The following PEX7 variants were observed in gnomAD, a reference collection of about 807,000 sequenced individuals.
PEX7 encodes the protein peroxisomal biogenesis factor 7.
A neutral mutation model predicts 47.5 loss-of-function variants in PEX7; 34 were observed. The observed-to-expected ratio is 0.72, with a 90% CI of 0.54 to 0.95. The LOEUF (loss-of-function observed/expected upper bound fraction) is 0.95. Ranked by LOEUF, PEX7 falls within the 40% of genes least tolerant of loss-of-function variation. The pLI, the probability that PEX7 is intolerant of heterozygous loss-of-function variation, is 0.00. For missense variants in PEX7, 394 were observed against 400.3 expected (o/e 0.98, Z 0.13); for synonymous variants, 141 against 148.8 (o/e 0.95, Z 0.38).
At chr6:136,875,014 C>A (rs1775245912) in intron 8 of PEX7, among the ~76,000 whole-genome samples, 1 of 152,070 alleles carries the variant, frequency 6.6e-6, no homozygotes, top group Admixed American at 6.6e-5. Context: ...TGGCACATGC[C>A]TGTAATCCCT....
rs533860707 is a variant in PEX7 at position 136,865,586 on chromosome 6, A to G, written c.527-1041A>G. 4.4e-4 allele frequency among the ~76,000 whole-genome samples: 67 copies of G among 151,460 alleles called. No homozygotes were observed. In the South Asian group the frequency reaches 0.014, roughly 32 times the overall value. On this transcript the variant is annotated intron_variant, in intron 5 of 9. Transcript: ENST00000318471. ...AGGGTAGGGATTACAGGCGTGAGCC[A>G]CCACGCCTGGCTAAAACTCCATCTC...
intron 1 of PEX7, 118 bp downstream of exon 1, chr6:136,822,913 C>T (rs2115123455): frequency 8.2e-7 from 1 of 1,214,418 alleles, no homozygotes; most frequent in East Asian, 3.6e-5. Context: ...TCCGCGGGTC[C>T]ACGCCAGGGG....
rs887287201 is a variant in PEX7 at position 136,823,214 on chromosome 6, C to T, written c.130+419C>T. On this transcript the variant is annotated intron_variant, in intron 1 of 9. Coordinates refer to ENST00000318471, the MANE Select transcript of PEX7 (RefSeq NM_000288.4). The stretch of plus-strand genomic sequence containing the variant: ...CCGACCCAGGGCTCGCGAGTTGGCC[C>T]ACAATTCCCAGTCTGCATTCGAGCA... 1.6e-5 allele frequency: 16 copies of T among 985,410 alleles called. No individual in the cohort carries two copies. The Admixed American group carries it at 2.5e-4, about 15-fold the overall frequency. 61.0% of individuals were successfully genotyped at this position (985,410 alleles called of 1,614,324 possible).
chr6:136,865,412 C>T (rs1321847553), intron 5 of PEX7, among the ~76,000 whole-genome samples: 2 of 152,188 alleles, frequency 1.3e-5, no homozygotes, highest in African/African-American at 4.8e-5. Flanking sequence ...GATTCTTCTG[C>T]CTTAGCTTCC....
At chr6:136,885,724 G>A (rs1418120635) in intron 8 of PEX7, among the ~76,000 whole-genome samples, 6 of 152,192 alleles carry the variant, frequency 3.9e-5, no homozygotes, top group African/African-American at 7.2e-5. Flanking sequence ...TGTTGGTATC[G>A]TGGGACATAT....
At chr6:136,912,185 T>G (rs534828475) in intron 9 of PEX7, among the ~76,000 whole-genome samples, 6 of 152,228 alleles carry the variant, frequency 3.9e-5, no homozygotes, top group African/African-American at 7.2e-5. Flanking sequence ...TAACTGTGTC[T>G]TGCCTGTTCA....
At chr6:136,836,202 A>G (rs1042987551) in intron 3 of PEX7, among the ~76,000 whole-genome samples, 4 of 144,908 alleles carry the variant, frequency 2.8e-5, no homozygotes, top group African/African-American at 1.0e-4. Context: ...TGGTAGAGCT[A>G]TGTAAATATA....
chr6:136,844,686 C>T (rs1774562796), intron 3 of PEX7, among the ~76,000 whole-genome samples: 1 of 152,164 alleles, frequency 6.6e-6, no homozygotes. Context: ...AAACACTACT[C>T]TACTGTATGT....
chr6:136,885,258 A>G (rs1775450011), intron 8 of PEX7, among the ~76,000 whole-genome samples: 1 of 152,212 alleles, frequency 6.6e-6, no homozygotes, highest in African/African-American at 2.4e-5. Flanking sequence ...TAAAATGACC[A>G]GTTTAGCCTC....
intron 3 of PEX7, among the ~76,000 whole-genome samples, chr6:136,837,845 C>T (rs1395120751): frequency 4.7e-5 from 7 of 150,134 alleles, no homozygotes; most frequent in East Asian, 2.0e-4. Flanking sequence ...CACACACACA[C>T]GTACATGTAT....
chr6:136,863,396 G>A (rs1053251680), intron 5 of PEX7, among the ~76,000 whole-genome samples: 1 of 151,834 alleles, frequency 6.6e-6, no homozygotes, highest in Non-Finnish European at 1.5e-5. Context: ...TTTTTTTAAT[G>A]TAGCAGGACA....
At chr6:136,843,808 T>C (rs1774546157) in intron 3 of PEX7, among the ~76,000 whole-genome samples, 1 of 152,180 alleles carries the variant, frequency 6.6e-6, no homozygotes, top group East Asian at 1.9e-4. Flanking sequence ...CTTCCTTTAG[T>C]GTTCCAACTA....
chr6:136,845,553 G>C, intron 3 of PEX7, 62 bp from the exon 4 acceptor site: 2 of 919,170 alleles, frequency 2.2e-6, no homozygotes, highest in Admixed American at 3.4e-5. Flanking sequence ...TGTAACAAGA[G>C]ATAAAATGCA....
chr6:136,890,016 C>T (rs1216236463), intron 8 of PEX7, among the ~76,000 whole-genome samples: 3 of 152,200 alleles, frequency 2.0e-5, no homozygotes, highest in Non-Finnish European at 4.4e-5. Context: ...TACTGCCAGT[C>T]AGCTGGTAGT....
At chr6:136,863,382 A>T (rs1158184359) in intron 5 of PEX7, among the ~76,000 whole-genome samples, 1 of 152,062 alleles carries the variant, frequency 6.6e-6, no homozygotes, top group African/African-American at 2.4e-5. Context: ...AGTGGTTTTC[A>T]ACCTTTTTTT....
At chr6:136,882,851 T>C (rs1294858769) in intron 8 of PEX7, among the ~76,000 whole-genome samples, 1 of 152,166 alleles carries the variant, frequency 6.6e-6, no homozygotes, top group African/African-American at 2.4e-5. Flanking sequence ...CATCTCTCTT[T>C]TTTACTTAGC....
chr6:136,826,113 GT>G (rs956507589), intron 2 of PEX7, among the ~76,000 whole-genome samples: 109 of 151,758 alleles, frequency 7.2e-4, no homozygotes, highest in African/African-American at 2.4e-3. Context: ...CCACTGGACT[GT>G]TTTTTTTAAC....
At chr6:136,881,426 T>C (rs1775374903) in intron 8 of PEX7, among the ~76,000 whole-genome samples, 1 of 152,238 alleles carries the variant, frequency 6.6e-6, no homozygotes, top group South Asian at 2.1e-4. Flanking sequence ...AACACCTTTC[T>C]GGCATTTGAA....
At chr6:136,822,838 A>AGGCGGG (rs2115123128) in intron 1 of PEX7, 43 bp downstream of exon 1, 3 of 605,600 alleles carry the variant, frequency 5.0e-6, no homozygotes, top group Non-Finnish European at 6.7e-6. Context: ...GCGGAGGCGG[A>AGGCGGG]GGCGGGGGCC....
Sources: allele counts gnomAD v4.1 joint callset (sites outside exome capture counted in the v4.1 genomes callset), GRCh38; gene constraint gnomAD v4.1.1; transcripts MANE v1.5; gene names NCBI Gene and HGNC (gene_info 2026-07-23, HGNC 2026-07-21).